The following TSPAN12 variants were observed in gnomAD, a reference collection of about 807,000 sequenced individuals.
The protein encoded by TSPAN12 is tetraspanin 12.
TSPAN12 carries 19 observed loss-of-function variants against 39.2 expected under a neutral mutation model. That is an observed-to-expected ratio of 0.49 (90% confidence interval 0.34 to 0.71). TSPAN12 has a LOEUF of 0.71. Among genes scored for constraint, TSPAN12 ranks in the 30% least tolerant of loss-of-function variants. TSPAN12 has a pLI of 0.01. For missense variants in TSPAN12, 314 were observed against 359.9 expected, an observed-to-expected ratio of 0.87 and a Z score of 1.03; for synonymous variants, 119 against 124.8, an observed-to-expected ratio of 0.95 and a Z score of 0.31.
chr7:120,806,454 C>T (rs755739101), intron 7 of TSPAN12, 95 bp downstream of exon 7: 4 of 1,449,846 alleles, frequency 2.8e-6, no homozygotes, highest in Non-Finnish European at 3.8e-6. Flanking sequence ...TACATTTAGA[C>T]AGAGAAGGAA....
At chr7:120,792,646 C>T (rs1030581996) in intron 7 of TSPAN12, among the ~76,000 whole-genome samples, 24 of 152,300 alleles carry the variant, frequency 1.6e-4, no homozygotes, top group Non-Finnish European at 3.4e-4. Context: ...AATCTCTGTT[C>T]ATTCATTAAC....
rs1429560555 is a variant in TSPAN12 at position 120,810,921 on chromosome 7, A to C, written c.361-351T>G. On this transcript the variant is annotated intron_variant, in intron 5 of 7. Coordinates refer to ENST00000222747, the MANE Select transcript of TSPAN12 (RefSeq NM_012338.4). Reference sequence around the variant, plus strand: ...TTCACATAACAAATAACCTCTGCAGAGAAATGTCCTTCATTTGATTTCAAA... The same window carrying C: ...TTCACATAACAAATAACCTCTGCAGCGAAATGTCCTTCATTTGATTTCAAA... Among the ~76,000 whole-genome samples the C allele has an allele frequency of 2.0e-5, 3 of 152,246 alleles. No homozygotes were observed. In the East Asian group the frequency reaches 5.8e-4, roughly 29 times the overall value.
chr7:120,835,313 A>T (rs1344543921), intron 4 of TSPAN12, among the ~76,000 whole-genome samples: 4 of 152,186 alleles, frequency 2.6e-5, no homozygotes, highest in African/African-American at 9.7e-5. Context: ...TTGCCGAATG[A>T]CTTGTGGCAT....
intron 4 of TSPAN12, among the ~76,000 whole-genome samples, chr7:120,829,129 A>C (rs1328727106): frequency 6.6e-6 from 1 of 152,158 alleles, no homozygotes; most frequent in African/African-American, 2.4e-5. Context: ...AAGTGATACA[A>C]CTACAGTGTT....
At chr7:120,857,593 A>G (rs993072652) in intron 1 of TSPAN12, among the ~76,000 whole-genome samples, 5 of 151,906 alleles carry the variant, frequency 3.3e-5, no homozygotes, top group Non-Finnish European at 5.9e-5. Context: ...CCCGCCCGGG[A>G]CGCTCCCGCG....
At chr7:120,793,188 T>C (rs1232797656) in intron 7 of TSPAN12, among the ~76,000 whole-genome samples, 1 of 152,256 alleles carries the variant, frequency 6.6e-6, no homozygotes, top group Non-Finnish European at 1.5e-5. Context: ...ATTCTGCTGA[T>C]CCTTTTCTAG....
intron 5 of TSPAN12, among the ~76,000 whole-genome samples, chr7:120,812,842 GATTTT>G (rs1306251189): frequency 6.6e-6 from 1 of 151,934 alleles, no homozygotes; most frequent in Non-Finnish European, 1.5e-5. Context: ...ATCACTGACA[GATTTT>G]ATCTAGAGAA....
intron 7 of TSPAN12, among the ~76,000 whole-genome samples, chr7:120,802,121 G>T (rs1390288712): frequency 6.6e-6 from 1 of 152,164 alleles, no homozygotes; most frequent in Admixed American, 6.5e-5. Context: ...CTCAGCAGGT[G>T]AGAGAAGACA....
In TSPAN12 at chr7:120,838,891, C is replaced by G; in HGVS notation, c.171G>C (p.Leu57Phe). ...CCGGATGAACCACAGGAAAGTAAGT[C>G]AAAATGACTGCTTCCTCTACCCTGA... is the stretch of plus-strand genomic sequence containing the variant. The part of the protein sequence containing the change: ...AETRVEEAVI[L>F]TYFPVVHPVM... Residue 57 changes from leucine (L) to phenylalanine (F), a missense_variant, in exon 4 of 8, where the codon TTG becomes TTC. Leu to Phe is a conservative substitution (Grantham distance 22). Coordinates refer to ENST00000222747, the MANE Select transcript of TSPAN12 (RefSeq NM_012338.4). 6.2e-7 allele frequency: 1 copy of G among 1,613,844 alleles called. No homozygotes were observed. Among genetic ancestry groups the G allele is most frequent in the Non-Finnish European group, 8.5e-7 (1 of 1,179,920 alleles).
At chr7:120,846,300 T>C (rs1388984153) in intron 2 of TSPAN12, among the ~76,000 whole-genome samples, 1 of 152,198 alleles carries the variant, frequency 6.6e-6, no homozygotes. Context: ...TATTTCATTA[T>C]CTAAAATTAT....
intron 2 of TSPAN12, among the ~76,000 whole-genome samples, chr7:120,845,962 G>C (rs1457485913): frequency 6.6e-6 from 1 of 152,104 alleles, no homozygotes; most frequent in Non-Finnish European, 1.5e-5. Context: ...CCTGAAACTG[G>C]GTAATTTATA....
chr7:120,799,926 A>C (rs1452371011), intron 7 of TSPAN12, among the ~76,000 whole-genome samples: 1 of 144,716 alleles, frequency 6.9e-6, no homozygotes, highest in Non-Finnish European at 1.5e-5. Flanking sequence ...TTAAATATTT[A>C]TTATAATAGA....
At position 120,840,150 on chromosome 7, in the gene TSPAN12, G is replaced by A. The variant is rs181962732; in HGVS notation, c.67-41C>T. 91 of 1,418,444 alleles carry A rather than the reference G, an allele frequency of 6.4e-5. 2 individuals carry two copies. In the South Asian group the frequency reaches 8.8e-4, roughly 14 times the overall value. The allele number at this position is 1,418,444 out of a possible 1,614,324, so 87.9% of individuals were successfully genotyped here. On this transcript the variant is annotated intron_variant, in intron 2 of 7. Transcript: ENST00000222747. ...TACAAACCGGTTACCAAAGATTTAC[G>A]TAACATTCACTGCAGGATTAATAAT...
At chr7:120,791,754 A>T (rs1234931747) in intron 7 of TSPAN12, among the ~76,000 whole-genome samples, 1 of 152,232 alleles carries the variant, frequency 6.6e-6, no homozygotes, top group Non-Finnish European at 1.5e-5. Flanking sequence ...TTAAACAATC[A>T]CATTTATTTT....
At chr7:120,836,512 C>T (rs1794479277) in intron 4 of TSPAN12, among the ~76,000 whole-genome samples, 1 of 152,174 alleles carries the variant, frequency 6.6e-6, no homozygotes, top group Non-Finnish European at 1.5e-5. Context: ...CAAAATCAAT[C>T]TATGCTCATC....
rs942899035 is a variant in TSPAN12, at chr7:120,788,394, G to C, written c.*198C>G. On this transcript the variant is annotated 3_prime_UTR_variant, in exon 8 of 8. Transcript: ENST00000222747. ...GACATCTGTCTTCAGCATTTTAAGG[G>C]CATCAATTATTGTCCAGGTGGTGAC... The C allele has an allele frequency of 8.0e-6, 5 of 627,778 alleles. No individual in the cohort carries two copies. The African/African-American group carries it at 9.2e-5, about 12-fold the overall frequency. The allele number at this position is 627,778 out of a possible 1,614,324, so 38.9% of individuals were successfully genotyped here.
intron 3 of TSPAN12, among the ~76,000 whole-genome samples, chr7:120,839,387 TA>T (rs1794537113): frequency 6.6e-6 from 1 of 152,162 alleles, no homozygotes; most frequent in Non-Finnish European, 1.5e-5. Context: ...AATCTACATT[TA>T]AAGAAAGGAA....
At chr7:120,829,014 T>C (rs1231053867) in intron 4 of TSPAN12, among the ~76,000 whole-genome samples, 1 of 152,196 alleles carries the variant, frequency 6.6e-6, no homozygotes, top group African/African-American at 2.4e-5. Context: ...ATTTGTTGTT[T>C]CTAAAGTTTA....
At chr7:120,853,213 C>A (rs1794802773) in intron 2 of TSPAN12, among the ~76,000 whole-genome samples, 1 of 151,758 alleles carries the variant, frequency 6.6e-6, no homozygotes, top group African/African-American at 2.4e-5. Flanking sequence ...CCTACCTCAG[C>A]CTCCTGAGCA....
Sources: allele counts gnomAD v4.1 joint callset (sites outside exome capture counted in the v4.1 genomes callset), GRCh38; gene constraint gnomAD v4.1.1; transcripts MANE v1.5; gene names NCBI Gene and HGNC (gene_info 2026-07-23, HGNC 2026-07-21).